The following CTNNA1 variants were observed in gnomAD, a reference collection of about 807,000 sequenced individuals.
CTNNA1 encodes the protein catenin alpha-1.
A neutral mutation model predicts 98.4 loss-of-function variants in CTNNA1; 37 were observed. The observed-to-expected ratio is 0.38, with a 90% CI of 0.29 to 0.49. The LOEUF is 0.49. CTNNA1 is among the 20% of genes least tolerant of loss of function. The pLI is 0.95. For missense variants in CTNNA1, 761 were observed against 1,147.2 expected, an observed-to-expected ratio of 0.66 and a Z score of 4.86; for synonymous variants, 404 against 413.2, an observed-to-expected ratio of 0.98 and a Z score of 0.27.
chr5:138,782,946 G>T (rs1364425203), intron 2 of CTNNA1, among the ~76,000 whole-genome samples: 2 of 152,076 alleles, frequency 1.3e-5, no homozygotes, highest in Non-Finnish European at 2.9e-5. Context: ...TCATATTTGA[G>T]AAATTAAAAT....
chr5:138,932,890 C>T (rs749766459), intron 17 of CTNNA1, 178 bp downstream of exon 17: 3 of 848,714 alleles, frequency 3.5e-6, no homozygotes, highest in Non-Finnish European at 6.1e-6. Context: ...CCCTGTAGAA[C>T]TGTGACACCT....
intron 10 of CTNNA1, among the ~76,000 whole-genome samples, chr5:138,917,074 A>G (rs1314236777): frequency 1.3e-5 from 2 of 152,262 alleles, no homozygotes; most frequent in African/African-American, 4.8e-5. Flanking sequence ...CACCTGGCCT[A>G]AAATTATTTT....
intron 7 of CTNNA1, among the ~76,000 whole-genome samples, chr5:138,860,479 A>G (rs1431536454): frequency 7.2e-6 from 1 of 139,596 alleles, no homozygotes; most frequent in Non-Finnish European, 1.5e-5. Flanking sequence ...TTAGACTGGC[A>G]GGGTTTGGTT....
At chr5:138,843,736 G>C (rs1762462792) in intron 7 of CTNNA1, among the ~76,000 whole-genome samples, 1 of 152,208 alleles carries the variant, frequency 6.6e-6, no homozygotes, top group South Asian at 2.1e-4. Flanking sequence ...TTTGAGATTG[G>C]AGAATGGGAT....
chr5:138,858,177 A>G (rs1165890569), intron 7 of CTNNA1, among the ~76,000 whole-genome samples: 1 of 151,756 alleles, frequency 6.6e-6, no homozygotes, highest in Non-Finnish European at 1.5e-5. Context: ...CCCAGGCTGA[A>G]ATGCAGTGAT....
intron 1 of CTNNA1, among the ~76,000 whole-genome samples, chr5:138,756,465 G>A (rs956755399): frequency 1.3e-5 from 2 of 152,052 alleles, no homozygotes; most frequent in Admixed American, 6.6e-5. Context: ...CCGCACTTTC[G>A]GATTTCTTTG....
chr5:138,858,606 T>C (rs796339452), intron 7 of CTNNA1, among the ~76,000 whole-genome samples: 3 of 132,792 alleles, frequency 2.3e-5, no homozygotes, highest in South Asian at 4.7e-4. Flanking sequence ...TTTTTTTTTT[T>C]TTTTTTTGAG....
chr5:138,882,784 A>C (rs1753210761), intron 7 of CTNNA1, among the ~76,000 whole-genome samples: 1 of 152,234 alleles, frequency 6.6e-6, no homozygotes, highest in Non-Finnish European at 1.5e-5. Flanking sequence ...GCTAGAAATA[A>C]AAAATCATAA....
intron 6 of CTNNA1, among the ~76,000 whole-genome samples, chr5:138,827,149 C>A (rs1260772259): frequency 2.0e-5 from 3 of 152,186 alleles, no homozygotes; most frequent in Non-Finnish European, 4.4e-5. Flanking sequence ...TTATATTCTG[C>A]AAGTAAGAGG....
At chr5:138,818,451 T>G (rs1759680161) in intron 5 of CTNNA1, among the ~76,000 whole-genome samples, 1 of 152,204 alleles carries the variant, frequency 6.6e-6, no homozygotes, top group African/African-American at 2.4e-5. Context: ...CCTGTTTTGA[T>G]GTCTGTGCAT....
intron 5 of CTNNA1, among the ~76,000 whole-genome samples, chr5:138,819,842 T>C (rs1480723982): frequency 1.1e-5 from 1 of 93,202 alleles, no homozygotes; most frequent in African/African-American, 4.3e-5. Context: ...TAGGAGGTGA[T>C]TGGATTGGCG....
chr5:138,840,578 A>T (rs1021607507), intron 7 of CTNNA1, among the ~76,000 whole-genome samples: 1 of 152,222 alleles, frequency 6.6e-6, no homozygotes, highest in Non-Finnish European at 1.5e-5. Context: ...TAAAAAATCG[A>T]TTTATTAAAA....
At chr5:138,861,604 A>G (rs1339937757) in intron 7 of CTNNA1, among the ~76,000 whole-genome samples, 3 of 152,186 alleles carry the variant, frequency 2.0e-5, no homozygotes, top group Non-Finnish European at 2.9e-5. Flanking sequence ...ACAGCAAGAG[A>G]GCAACTTTTA....
chr5:138,810,738 C>G lies in CTNNA1; in HGVS notation c.468+534C>G, dbSNP rs574929264. On this transcript the variant is annotated intron_variant, in intron 4 of 17. Transcript: ENST00000302763. ...TCCGATTTCTCAATCTTTTCCCCAC[C>G]TTTCCCCCCTTTCTATTCCACAAAA... 9.8e-5 allele frequency among the ~76,000 whole-genome samples: 15 copies of G among 152,358 alleles called. No individual in the cohort carries two copies. The East Asian group carries it at 2.7e-3, about 27-fold the overall frequency.
At chr5:138,853,875 C>A (rs1763473999) in intron 7 of CTNNA1, among the ~76,000 whole-genome samples, 1 of 152,134 alleles carries the variant, frequency 6.6e-6, no homozygotes. Context: ...GATTCCTTTG[C>A]AAAAATGTCA....
chr5:138,886,133 A>G (rs950859952), intron 7 of CTNNA1, 79 bp from the exon 8 acceptor site: 3 of 1,493,468 alleles, frequency 2.0e-6, no homozygotes, highest in African/African-American at 2.8e-5. Context: ...CAGTGTTGAC[A>G]TGAGCACAAA....
chr5:138,779,537 A>T (rs192193065), intron 1 of CTNNA1, among the ~76,000 whole-genome samples: 1 of 150,934 alleles, frequency 6.6e-6, no homozygotes, highest in African/African-American at 2.4e-5. Context: ...CCGTTTTTTA[A>T]AAAAAAAATA....
rs567133623 is a variant in CTNNA1, at chr5:138,850,589, T to C, written c.1062+22871T>C. 1.7e-4 allele frequency among the ~76,000 whole-genome samples: 26 copies of C among 152,290 alleles called. No individual in the cohort carries two copies. The Middle Eastern group carries it at 0.01, about 60-fold the overall frequency. ...TTTATCTTACGGTGTTAGATCTCTT[T>C]ATACTTCATTAATTTATTTTTCACA... On this transcript the variant is annotated intron_variant, in intron 7 of 17. Coordinates refer to ENST00000302763, the MANE Select transcript of CTNNA1 (RefSeq NM_001903.5).
At chr5:138,753,606 CG>C (rs1667022023) in intron 1 of CTNNA1, 96 bp downstream of exon 1, 1 of 315,258 alleles carries the variant, frequency 3.2e-6, no homozygotes, top group African/African-American at 2.4e-5. Flanking sequence ...CCGCGAGCCG[CG>C]GGCGGGCGAG....
Sources: gnomAD v4.1 joint callset for allele counts (sites outside exome capture counted in the v4.1 genomes callset) on GRCh38, gnomAD v4.1.1 for gene constraint, MANE v1.5 for transcripts, NCBI Gene and HGNC (gene_info 2026-07-23, HGNC 2026-07-21) for gene names.